KIAA1549: variants seen among roughly 807,000 people sequenced by gnomAD.
KIAA1549 encodes UPF0606 protein KIAA1549.
In KIAA1549, 70 loss-of-function variants were observed where a neutral mutation model predicts 156.4. The observed-to-expected ratio is 0.45, with a 90% CI of 0.37 to 0.55. The LOEUF (loss-of-function observed/expected upper bound fraction) is 0.55, where lower values mean the gene tolerates loss of function less well. Ranked by LOEUF, KIAA1549 falls within the 20% of genes least tolerant of loss-of-function variation. The pLI, the probability that KIAA1549 is intolerant of heterozygous loss-of-function variation, is 0.00. For synonymous variants in KIAA1549, 1,103 were observed against 1,066.4 expected, an observed-to-expected ratio of 1.03 and a Z score of -0.67; for missense variants, 2,428 against 2,540.9, an observed-to-expected ratio of 0.96 and a Z score of 0.96.
chr7:138,876,986 T>C (rs920701689), intron 12 of KIAA1549, among the ~76,000 whole-genome samples: 3 of 152,112 alleles, frequency 2.0e-5, no homozygotes, highest in African/African-American at 7.2e-5. Flanking sequence ...GTCCTTAATA[T>C]GCCACATGAC....
At chr7:138,961,492 C>T (rs1162948542) in intron 1 of KIAA1549, among the ~76,000 whole-genome samples, 2 of 152,166 alleles carry the variant, frequency 1.3e-5, no homozygotes, top group African/African-American at 2.4e-5. Context: ...ACAGGGACCA[C>T]GGGAGGCTGC....
At position 138,838,169 on chromosome 7, in the gene KIAA1549, C is replaced by A. The variant is rs988394054; in HGVS notation, c.5599-9G>T. On this transcript the variant is annotated splice_polypyrimidine_tract_variant and intron_variant, in intron 19 of 19. Coordinates refer to ENST00000422774, the MANE Select transcript of KIAA1549 (RefSeq NM_001164665.2). ...TGTCCGAGCATGTGTGTCTGAAAAACATGGCAAACGTCACTGTACTTCCTA... is the reference window on the plus strand; with the variant it reads ...TGTCCGAGCATGTGTGTCTGAAAAAAATGGCAAACGTCACTGTACTTCCTA... The A allele has an allele frequency of 1.4e-6, 2 of 1,456,998 alleles. No homozygotes were observed. The highest frequency in any genetic ancestry group is 5.5e-5 in the Admixed American group (2 of 36,512). 90.3% of individuals were successfully genotyped at this position (1,456,998 alleles called of 1,614,324 possible). A position where few individuals can be genotyped will look rare whatever the true frequency, so the allele number is the denominator to read the frequency against.
chr7:138,916,377 T>C (rs1584753025), intron 2 of KIAA1549, among the ~76,000 whole-genome samples: 1 of 152,218 alleles, frequency 6.6e-6, no homozygotes, highest in Admixed American at 6.5e-5. Context: ...GCTTGTTTAG[T>C]TCTTGTATTT....
chr7:138,908,260 A>C (rs980176870), intron 5 of KIAA1549, among the ~76,000 whole-genome samples: 1 of 152,190 alleles, frequency 6.6e-6, no homozygotes, highest in African/African-American at 2.4e-5. Flanking sequence ...AGGAAACAGA[A>C]GACGCATTTT....
At chr7:138,954,276 C>G (rs1170609397) in intron 1 of KIAA1549, among the ~76,000 whole-genome samples, 1 of 152,242 alleles carries the variant, frequency 6.6e-6, no homozygotes, top group Non-Finnish European at 1.5e-5. Flanking sequence ...ATTGGGGAAC[C>G]TGGGCAGGCA....
At chr7:138,869,320 A>G (rs1185095944) in intron 14 of KIAA1549, among the ~76,000 whole-genome samples, 1 of 152,216 alleles carries the variant, frequency 6.6e-6, no homozygotes, top group African/African-American at 2.4e-5. Flanking sequence ...CGCCTCCCAC[A>G]CTAAGGTGAC....
At chr7:138,879,985 G>T (rs1190600012) in intron 11 of KIAA1549, among the ~76,000 whole-genome samples, 1 of 152,230 alleles carries the variant, frequency 6.6e-6, no homozygotes, top group Non-Finnish European at 1.5e-5. Context: ...CCAGCAGTCT[G>T]GGTTTAGCAT....
rs749770202 is a variant in KIAA1549 at position 138,918,997 on chromosome 7, G to A, written c.629C>T (p.Ser210Leu). 3.0e-5 allele frequency: 48 copies of A among 1,613,882 alleles called. No homozygotes were observed. Among genetic ancestry groups the A allele is most frequent in the South Asian group, 6.6e-5 (6 of 91,086 alleles). ...MVSLQDEEVT[S>L]GWQNTTRQPA... ...TTGTCGCGTTGTGTTCTGCCAGCCCGATGTCACTTCTTCATCTTGTAAAGA... is the reference window on the plus strand; with the variant it reads ...TTGTCGCGTTGTGTTCTGCCAGCCCAATGTCACTTCTTCATCTTGTAAAGA... The change falls in exon 2 of 20, where the codon TCG (serine) becomes TTG (leucine). Residue 210 changes from serine (S) to leucine (L), a missense_variant. Coordinates refer to ENST00000422774, the MANE Select transcript of KIAA1549 (RefSeq NM_001164665.2). The surrounding 1 kb of genome is among the most constrained non-coding windows in gnomAD (Gnocchi z 4.2).
chr7:138,948,284 C>T (rs1003537542), intron 1 of KIAA1549, among the ~76,000 whole-genome samples: 1 of 152,156 alleles, frequency 6.6e-6, no homozygotes, highest in Admixed American at 6.5e-5. Flanking sequence ...GACACAGAGA[C>T]AGACACACAT....
Position 138,917,863 on chromosome 7 carries a change from A to C in KIAA1549, c.1763T>G (p.Val588Gly), listed in dbSNP as rs749161217. 2.4e-5 allele frequency: 38 copies of C among 1,604,546 alleles called. No homozygotes were observed. In the South Asian group the frequency reaches 3.3e-4, roughly 14 times the overall value. The change falls in exon 2 of 20, where the codon GTT (valine) becomes GGT (glycine). Residue 588 changes from valine (V) to glycine (G), a missense_variant. Physicochemically the swap from Val to Gly is moderately radical, Grantham distance 109. Transcript: ENST00000422774. ...TPSLAVRDPS[V>G]FTPYSLVPSV... ...AGGAACCAGACTATAAGGCGTAAAA[A>C]CACTCGGGTCTCTGACGGCAAGCGA...
At chr7:138,927,536 G>T (rs1189921416) in intron 1 of KIAA1549, among the ~76,000 whole-genome samples, 1 of 152,250 alleles carries the variant, frequency 6.6e-6, no homozygotes, top group East Asian at 1.9e-4. Context: ...TACTCTGGAG[G>T]CTGAGGCAGG....
chr7:138,851,138 C>A (rs1223074487), intron 17 of KIAA1549, among the ~76,000 whole-genome samples: 1 of 152,072 alleles, frequency 6.6e-6, no homozygotes, highest in Non-Finnish European at 1.5e-5. Context: ...TAATCTTTGT[C>A]TTTTAATTGA....
At chr7:138,851,113 A>T (rs933933345) in intron 17 of KIAA1549, among the ~76,000 whole-genome samples, 1 of 152,146 alleles carries the variant, frequency 6.6e-6, no homozygotes, top group Non-Finnish European at 1.5e-5. Context: ...TACATTTTTT[A>T]AAAATCAAAT....
chr7:138,885,192 C>T (rs375689970), intron 10 of KIAA1549, among the ~76,000 whole-genome samples: 5 of 152,116 alleles, frequency 3.3e-5, no homozygotes, highest in African/African-American at 1.2e-4. Context: ...GGATTGTAAT[C>T]CACCATTGTA....
chr7:138,859,366 C>A (rs1261076081), intron 16 of KIAA1549, among the ~76,000 whole-genome samples: 1 of 152,144 alleles, frequency 6.6e-6, no homozygotes, highest in Non-Finnish European at 1.5e-5. Flanking sequence ...TTGGGGAGGA[C>A]ACAGTTCAAT....
chr7:138,908,880 C>CTCCAG (rs1303836570), intron 5 of KIAA1549, 111 bp downstream of exon 5: 1 of 1,314,076 alleles, frequency 7.6e-7, no homozygotes, highest in Non-Finnish European at 1.1e-6. Flanking sequence ...CTCACATAAA[C>CTCCAG]TGGGTTTCCG....
chr7:138,907,272 C>T (rs73478167), intron 5 of KIAA1549, among the ~76,000 whole-genome samples, 170 bp from the exon 6 acceptor site: 19,808 of 152,154 alleles, frequency 0.13, 1,379 homozygotes, highest in African/African-American at 0.19. Context: ...AGTTTAACTG[C>T]TCAGTTTATG....
At chr7:138,883,117 AT>A (rs71721447) in intron 10 of KIAA1549, among the ~76,000 whole-genome samples, 1,598 of 118,982 alleles carry the variant, frequency 0.013, 334 homozygotes, top group African/African-American at 0.053. Context: ...AAAAAAAAAA[AT>A]TCAGCCAGAC....
At chr7:138,912,331 A>T in intron 3 of KIAA1549, 41 bp downstream of exon 3, 1 of 1,466,734 alleles carries the variant, frequency 6.8e-7, no homozygotes, top group Middle Eastern at 1.7e-4. Context: ...CATCAGCCCC[A>T]GTCTCACCAG....
Sources: allele counts gnomAD v4.1 joint callset (sites outside exome capture counted in the v4.1 genomes callset), GRCh38; gene constraint gnomAD v4.1.1; non-coding constraint Gnocchi (gnomAD v3.1); transcripts MANE v1.5; gene names NCBI Gene and HGNC (gene_info 2026-07-23, HGNC 2026-07-21).